STARD13: variants seen among roughly 807,000 people sequenced by gnomAD.
STARD13 encodes stAR-related lipid transfer protein 13.
STARD13 carries 62 observed loss-of-function variants against 106.4 expected under a neutral mutation model. The observed-to-expected ratio is 0.58, with a 90% CI of 0.48 to 0.72. STARD13 has a LOEUF of 0.72. Among genes scored for constraint, STARD13 ranks in the 30% least tolerant of loss-of-function variants. STARD13 has a pLI of 0.00. For synonymous variants in STARD13, 565 were observed against 553.0 expected, an observed-to-expected ratio of 1.02 and a Z score of -0.31; for missense variants, 1,387 against 1,424.0, an observed-to-expected ratio of 0.97 and a Z score of 0.42.
the STARD13 span, among the ~76,000 whole-genome samples, chr13:33,624,108 G>T: frequency 6.6e-6 from 1 of 152,180 alleles, no homozygotes; most frequent in South Asian, 2.1e-4. Flanking sequence ...TCTGCTCCTA[G>T]AAATGAGTAT....
chr13:33,137,516 A>G (rs147256318), intron 4 of STARD13, among the ~76,000 whole-genome samples: 18 of 152,332 alleles, frequency 1.2e-4, no homozygotes, highest in African/African-American at 3.6e-4. Context: ...TCACCAGGGA[A>G]AAAAGCTAGG....
intron 1 of STARD13, 147 bp from the exon 2 acceptor site, chr13:33,167,769 C>T (rs948208337): frequency 3.1e-5 from 22 of 720,982 alleles, no homozygotes; most frequent in South Asian, 2.2e-4. Flanking sequence ...TAGGCTTACC[C>T]GGGAGTGGGT....
intron 1 of STARD13, among the ~76,000 whole-genome samples, chr13:33,209,675 A>G (rs1026211373): frequency 1.3e-5 from 2 of 152,112 alleles, no homozygotes; most frequent in Non-Finnish European, 2.9e-5. Flanking sequence ...GACCATATAC[A>G]AGAAGCGGAG....
chr13:33,303,325 C>A (rs1300098644), intron 1 of STARD13, among the ~76,000 whole-genome samples: 1 of 152,186 alleles, frequency 6.6e-6, no homozygotes, highest in Non-Finnish European at 1.5e-5. Context: ...CTAGTGTCTC[C>A]CTCAGAGAGG....
At chr13:33,119,935 G>C (rs1876008804) in intron 7 of STARD13, among the ~76,000 whole-genome samples, 1 of 152,142 alleles carries the variant, frequency 6.6e-6, no homozygotes, top group Non-Finnish European at 1.5e-5. Context: ...ACTGTCAAAA[G>C]AGAAAAAAAT....
intron 1 of STARD13, among the ~76,000 whole-genome samples, chr13:33,191,872 T>C (rs1012386341): frequency 6.6e-6 from 1 of 152,256 alleles, no homozygotes; most frequent in African/African-American, 2.4e-5. Context: ...GATTCTGATA[T>C]TGGGAGATAA....
the STARD13 span, among the ~76,000 whole-genome samples, chr13:33,576,163 A>G: frequency 7.2e-5 from 11 of 152,316 alleles, no homozygotes; most frequent in South Asian, 2.3e-3. Flanking sequence ...AGTTAAGGGA[A>G]CACACTGTTT....
rs768645520 is a variant in STARD13 at position 33,129,949 on chromosome 13, G to A, written c.728C>T (p.Pro243Leu). 6.2e-7 allele frequency: 1 copy of A among 1,613,398 alleles called. No homozygotes were observed. The highest frequency in any genetic ancestry group is 1.3e-5 in the African/African-American group (1 of 74,920). The part of the protein sequence containing the change: ...PQPPRDVLNH[P>L]FHPKNEKPTR... The stretch of plus-strand genomic sequence containing the variant: ...GGGCTTCTCATTCTTGGGGTGGAAG[G>A]GGTGGTTGAGGACATCTCTGGGGGG... Residue 243 changes from proline (P) to leucine (L), a missense_variant, in exon 5 of 14, where the codon CCC (proline) becomes CTC (leucine). Physicochemically the swap from Pro to Leu is moderately conservative, Grantham distance 98. Transcript: ENST00000336934.
intron 1 of STARD13, among the ~76,000 whole-genome samples, chr13:33,199,319 A>G (rs1326533105): frequency 1.3e-5 from 2 of 152,242 alleles, no homozygotes; most frequent in East Asian, 3.8e-4. Context: ...AAGACATTAT[A>G]TGTCTCCTTT....
chr13:33,117,567 AT>A (rs1875578236), intron 8 of STARD13: 2 of 952,864 alleles, frequency 2.1e-6, no homozygotes, highest in Non-Finnish European at 2.5e-6. Flanking sequence ...AAATAAGTTT[AT>A]TTAAGCTTAA....
chr13:33,298,913 T>C (rs1403520749), intron 1 of STARD13, among the ~76,000 whole-genome samples: 2 of 152,224 alleles, frequency 1.3e-5, no homozygotes, highest in African/African-American at 4.8e-5. Flanking sequence ...ATAAATTCCA[T>C]AGAATAGCCT....
At chr13:33,375,120 T>C in the STARD13 span, among the ~76,000 whole-genome samples, 20 of 152,138 alleles carry the variant, frequency 1.3e-4, no homozygotes, top group African/African-American at 4.3e-4. Context: ...CTTAGGAAGA[T>C]TGATCCAGCA....
At chr13:33,211,471 C>A (rs1384143443) in intron 1 of STARD13, among the ~76,000 whole-genome samples, 2 of 152,074 alleles carry the variant, frequency 1.3e-5, no homozygotes, top group Non-Finnish European at 1.5e-5. Flanking sequence ...GTTTTGATAT[C>A]TGTGATATCA....
At chr13:33,663,164 C>A in the STARD13 span, among the ~76,000 whole-genome samples, 1 of 152,116 alleles carries the variant, frequency 6.6e-6, no homozygotes, top group Admixed American at 6.5e-5. Flanking sequence ...TGGCTCATTG[C>A]AGCCTCAACC....
At chr13:33,261,354 G>C (rs1044022940) in intron 1 of STARD13, among the ~76,000 whole-genome samples, 20 of 152,300 alleles carry the variant, frequency 1.3e-4, no homozygotes, top group South Asian at 2.1e-4. Context: ...ATAGTGGGGA[G>C]ATTGAGAACC....
At chr13:33,475,909 A>C in the STARD13 span, among the ~76,000 whole-genome samples, 1 of 152,192 alleles carries the variant, frequency 6.6e-6, no homozygotes, top group Non-Finnish European at 1.5e-5. Context: ...GCGAGCCGAG[A>C]TGGCGCCACT....
At chr13:33,491,066 G>A in the STARD13 span, among the ~76,000 whole-genome samples, 1 of 152,210 alleles carries the variant, frequency 6.6e-6, no homozygotes. Context: ...ATGTGGCCAT[G>A]TGACTTGCTT....
At chr13:33,204,567 G>A (rs185242271) in intron 1 of STARD13, among the ~76,000 whole-genome samples, 58 of 152,262 alleles carry the variant, frequency 3.8e-4, no homozygotes, top group Middle Eastern at 3.4e-3. Context: ...TGTCAGTAAC[G>A]GCATAATCTC....
At position 33,255,098 on chromosome 13, in the gene STARD13, T is replaced by TCCC. The variant is rs144734075; in HGVS notation, c.169+30369_169+30371dup. Reference sequence around the variant, plus strand: ...CTCCTATACCTGTCCATCTGTGTGCTCCCCCCCCCCTCAGAGGCTTGATCA... The same window carrying TCCC: ...CTCCTATACCTGTCCATCTGTGTGCTCCCCCCCCCCCCCTCAGAGGCTTGATCA... On this transcript the variant is annotated intron_variant, in intron 1 of 13. Transcript: ENST00000336934. Among the ~76,000 whole-genome samples, 4 of 136,852 alleles carry TCCC rather than the reference T, an allele frequency of 2.9e-5. No homozygotes were observed. In the East Asian group the frequency reaches 8.1e-4, roughly 28 times the overall value. The allele number at this position is 136,852 out of a possible 152,430, so 89.8% of individuals were successfully genotyped here.
Sources: gnomAD v4.1 joint callset for allele counts (sites outside exome capture counted in the v4.1 genomes callset) on GRCh38, gnomAD v4.1.1 for gene constraint, MANE v1.5 for transcripts, NCBI Gene and HGNC (gene_info 2026-07-23, HGNC 2026-07-21) for gene names.